The following ERBB4 variants were observed in gnomAD, a reference collection of about 807,000 sequenced individuals.
ERBB4 encodes erb-b2 receptor tyrosine kinase 4.
Under a neutral mutation model 158.0 loss-of-function variants are expected in ERBB4, and 42 were observed. The ratio of observed to expected loss-of-function variants is 0.27; its 90% CI spans 0.21 to 0.34. The LOEUF (loss-of-function observed/expected upper bound fraction) is 0.34. Among genes scored for constraint, ERBB4 ranks in the 10% least tolerant of loss-of-function variants. The pLI, the probability that ERBB4 is intolerant of heterozygous loss-of-function variation, is 1.00. For synonymous variants in ERBB4, 583 were observed against 558.7 expected (o/e 1.04, Z -0.61); for missense variants, 1,333 against 1,624.1 (o/e 0.82, Z 3.08).
intron 1 of ERBB4, among the ~76,000 whole-genome samples, chr2:212,214,808 G>A (rs375484261): frequency 3.3e-5 from 5 of 151,590 alleles, no homozygotes; most frequent in Admixed American, 2.6e-4. Context: ...CGTACACAAT[G>A]TTCATTGCTC....
At chr2:211,920,996 A>AAT (rs1182723438) in intron 3 of ERBB4, among the ~76,000 whole-genome samples, 1 of 152,000 alleles carries the variant, frequency 6.6e-6, no homozygotes, top group Non-Finnish European at 1.5e-5. Flanking sequence ...TTTAAGCACA[A>AAT]ATATATATAA....
Position 211,748,895 on chromosome 2 carries a change from A to G in ERBB4, c.622+1744T>C, listed in dbSNP as rs545793580. Among the ~76,000 whole-genome samples, 3 of 152,326 alleles carry G rather than the reference A, an allele frequency of 2.0e-5. No homozygotes were observed. The South Asian group carries it at 6.2e-4, about 32-fold the overall frequency. On this transcript the variant is annotated intron_variant, in intron 5 of 27. Transcript: ENST00000342788. ...AGAACTTGACTTCCTGCAAATGGTCACATGCGTGTCAGACCAGCACTGGGA... is the reference window on the plus strand; with the variant it reads ...AGAACTTGACTTCCTGCAAATGGTCGCATGCGTGTCAGACCAGCACTGGGA...
At chr2:212,168,597 G>A (rs1161105703) in intron 1 of ERBB4, among the ~76,000 whole-genome samples, 1 of 152,156 alleles carries the variant, frequency 6.6e-6, no homozygotes, top group Non-Finnish European at 1.5e-5. Flanking sequence ...CGAGTACCCT[G>A]TGGAGGGAAA....
At chr2:212,078,311 T>C (rs1338045120) in intron 2 of ERBB4, among the ~76,000 whole-genome samples, 1 of 152,000 alleles carries the variant, frequency 6.6e-6, no homozygotes, top group Non-Finnish European at 1.5e-5. Context: ...TTTCTTTTAG[T>C]TTCAGAGACT....
intron 18 of ERBB4, among the ~76,000 whole-genome samples, chr2:211,622,887 T>C (rs1234869823): frequency 2.9e-5 from 4 of 136,880 alleles, no homozygotes; most frequent in Admixed American, 7.7e-5. Flanking sequence ...AGCTGGAACC[T>C]GGGAGGAGGA....
intron 20 of ERBB4, among the ~76,000 whole-genome samples, chr2:211,512,979 C>T (rs1292570638): frequency 6.6e-6 from 1 of 151,988 alleles, no homozygotes; most frequent in Non-Finnish European, 1.5e-5. Context: ...GCTTTTGTTT[C>T]TGGGTCAGAC....
At chr2:211,405,665 A>C (rs2125364487) in intron 25 of ERBB4, among the ~76,000 whole-genome samples, 1 of 152,212 alleles carries the variant, frequency 6.6e-6, no homozygotes, top group Non-Finnish European at 1.5e-5. Flanking sequence ...TCCTGCCTTT[A>C]ACTCCTCAAT....
At chr2:211,947,409 C>T (rs2080731762) in intron 3 of ERBB4, 21 bp downstream of exon 3, 1 of 1,598,432 alleles carries the variant, frequency 6.3e-7, no homozygotes, top group Non-Finnish European at 8.6e-7. Flanking sequence ...GCATATTTGC[C>T]ATTTTGGATA....
intron 20 of ERBB4, among the ~76,000 whole-genome samples, chr2:211,456,005 T>C (rs1383358606): frequency 1.3e-5 from 2 of 152,200 alleles, no homozygotes; most frequent in Non-Finnish European, 2.9e-5. Context: ...TCATTTTACT[T>C]AGTATCACAT....
rs1165469722 is a variant in ERBB4 at position 211,978,392 on chromosome 2, G to GTCTCTTTCTATCTATCTA, written c.235-30777_235-30776insTAGATAGATAGAAAGAGA. Among the ~76,000 whole-genome samples, 407 of 102,310 alleles carry GTCTCTTTCTATCTATCTA rather than the reference G, an allele frequency of 4.0e-3. 2 individuals carry two copies. The highest frequency in any genetic ancestry group is 5.8e-3 in the Non-Finnish European group (277 of 47,796). The allele number at this position is 102,310 out of a possible 152,430, so 67.1% of individuals were successfully genotyped here. A position where few individuals can be genotyped will look rare whatever the true frequency, so the allele number is the denominator to read the frequency against. On this transcript the variant is annotated intron_variant, in intron 2 of 27. Coordinates refer to ENST00000342788, the MANE Select transcript of ERBB4 (RefSeq NM_005235.3). Reference sequence around the variant, plus strand: ...TGTCTGTCTGTCTGTCTGTCTGTCTGTCTGTCTATCTATCTATCTATCTAT... The same window carrying GTCTCTTTCTATCTATCTA: ...TGTCTGTCTGTCTGTCTGTCTGTCTGTCTCTTTCTATCTATCTATCTGTCTATCTATCTATCTATCTAT...
intron 3 of ERBB4, among the ~76,000 whole-genome samples, chr2:211,917,203 A>G (rs979176420): frequency 7.2e-5 from 11 of 152,096 alleles, no homozygotes; most frequent in Non-Finnish European, 1.6e-4. Flanking sequence ...CACGTGTTCT[A>G]TTTTCATCCT....
At chr2:211,419,913 A>T (rs747855159) in intron 25 of ERBB4, among the ~76,000 whole-genome samples, 23 of 152,038 alleles carry the variant, frequency 1.5e-4, no homozygotes, top group Non-Finnish European at 2.9e-4. Context: ...AAAAACAAAA[A>T]TCTACTTCTC....
At chr2:211,661,248 T>C (rs1057095336) in intron 15 of ERBB4, among the ~76,000 whole-genome samples, 1 of 152,232 alleles carries the variant, frequency 6.6e-6, no homozygotes, top group Non-Finnish European at 1.5e-5. Context: ...TGTATATTGT[T>C]TTTCAACTCT....
chr2:212,506,421 AAG>A (rs1691199773), intron 1 of ERBB4, among the ~76,000 whole-genome samples: 2 of 124,286 alleles, frequency 1.6e-5, no homozygotes. Context: ...CAAGAGAGCC[AAG>A]GCAGGCAAAA....
At chr2:211,858,350 A>C (rs1238973942) in intron 3 of ERBB4, among the ~76,000 whole-genome samples, 1 of 152,216 alleles carries the variant, frequency 6.6e-6, no homozygotes, top group African/African-American at 2.4e-5. Flanking sequence ...AATTGCTTTG[A>C]TCCTCCAATG....
chr2:211,660,503 C>T (rs1337115936), intron 15 of ERBB4, among the ~76,000 whole-genome samples: 1 of 152,024 alleles, frequency 6.6e-6, no homozygotes, highest in Non-Finnish European at 1.5e-5. Flanking sequence ...TGAGAGAATC[C>T]AAGAAGATGA....
chr2:211,574,411 T>C (rs565600814), intron 19 of ERBB4, among the ~76,000 whole-genome samples: 43 of 152,272 alleles, frequency 2.8e-4, no homozygotes, highest in Non-Finnish European at 7.4e-5. Flanking sequence ...CAAAAAGTAA[T>C]CACAATAACA....
intron 1 of ERBB4, among the ~76,000 whole-genome samples, chr2:212,178,276 T>C (rs1310346205): frequency 6.6e-6 from 1 of 151,594 alleles, no homozygotes; most frequent in African/African-American, 2.4e-5. Context: ...GTAACCCATA[T>C]TGGAGGATGT....
intron 2 of ERBB4, among the ~76,000 whole-genome samples, chr2:211,957,682 AG>A (rs1443277766): frequency 6.6e-6 from 1 of 152,110 alleles, no homozygotes; most frequent in Non-Finnish European, 1.5e-5. Flanking sequence ...GCTATCACTC[AG>A]TATTAGTTTC....
Sources: allele counts gnomAD v4.1 joint callset (sites outside exome capture counted in the v4.1 genomes callset), GRCh38; gene constraint gnomAD v4.1.1; transcripts MANE v1.5; gene names NCBI Gene and HGNC (gene_info 2026-07-23, HGNC 2026-07-21).